The following PCDHGA3 variants were observed in gnomAD, a reference collection of about 807,000 sequenced individuals.
PCDHGA3 encodes protocadherin gamma subfamily A, 3.
A neutral mutation model predicts 58.5 loss-of-function variants in PCDHGA3; 40 were observed. The observed-to-expected ratio is 0.68, with a 90% CI of 0.53 to 0.89. The LOEUF (loss-of-function observed/expected upper bound fraction) is 0.89. Ranked by LOEUF, PCDHGA3 falls within the 40% of genes least tolerant of loss-of-function variation. The pLI is 0.00. For missense variants in PCDHGA3, 1,223 were observed against 1,195.9 expected (o/e 1.02, Z -0.33); for synonymous variants, 530 against 525.7 (o/e 1.01, Z -0.11).
chr5:141,424,699 G>A (rs185769714), intron 1 of PCDHGA3: 222 of 152,060 alleles, frequency 1.5e-3, no homozygotes, highest in African/African-American at 5.2e-3. Flanking sequence ...CTATTTTTTT[G>A]TTCATTTTCA....
chr5:141,362,282 G>A (rs750712376), intron 1 of PCDHGA3: 1 of 1,614,038 alleles, frequency 6.2e-7, no homozygotes, highest in Non-Finnish European at 8.5e-7. Context: ...CTGCGCCTGC[G>A]ACTCTCTTCC....
chr5:141,466,819 C>A (rs2099130454), intron 1 of PCDHGA3, among the ~76,000 whole-genome samples: 1 of 152,068 alleles, frequency 6.6e-6, no homozygotes, highest in Non-Finnish European at 1.5e-5. Context: ...CATGGTATAA[C>A]AAGTTAGTAT....
Position 141,512,738 on chromosome 5 carries a change from C to A in PCDHGA3, c.*1565C>A, listed in dbSNP as rs1350606944. 2 of 152,840 alleles carry A rather than the reference C, an allele frequency of 1.3e-5. No individual in the cohort carries two copies. The highest frequency in any genetic ancestry group is 2.1e-4 in the South Asian group (1 of 4,838). The allele number at this position is 152,840 out of a possible 1,614,324, so 9.5% of individuals were successfully genotyped here. A position where few individuals can be genotyped will look rare whatever the true frequency, so the allele number is the denominator to read the frequency against. On this transcript the variant is annotated 3_prime_UTR_variant, in exon 4 of 4. Transcript: ENST00000253812. ...TGGCGGGTGGGCAGCGGGCGGCGGG[C>A]TCCGCGCAGCCGTCTGTCCTTGATC...
At chr5:141,405,407 C>A (rs1252757330) in intron 1 of PCDHGA3, 3 of 1,582,052 alleles carry the variant, frequency 1.9e-6, no homozygotes, top group Non-Finnish European at 2.6e-6. Flanking sequence ...TCTTTCTTTT[C>A]TTTTTTTGTT....
chr5:141,346,550 A>G (rs1002998813), intron 1 of PCDHGA3, 93 bp downstream of exon 1: 13 of 1,524,464 alleles, frequency 8.5e-6, no homozygotes, highest in Middle Eastern at 1.7e-4. Flanking sequence ...AAATAAAGCC[A>G]TGAGGTTGTC....
At chr5:141,426,896 C>A in intron 1 of PCDHGA3, 1 of 456,782 alleles carries the variant, frequency 2.2e-6, no homozygotes, top group Non-Finnish European at 4.4e-6. Context: ...AGCAACAGAG[C>A]TCTCATCTCC....
intron 1 of PCDHGA3, among the ~76,000 whole-genome samples, chr5:141,445,937 A>C (rs2098482193): frequency 6.6e-6 from 1 of 152,202 alleles, no homozygotes; most frequent in African/African-American, 2.4e-5. Flanking sequence ...TGAATTATTA[A>C]GCTTACTCTG....
At chr5:141,507,380 C>G (rs984406173) in intron 3 of PCDHGA3, 1 of 151,954 alleles carries the variant, frequency 6.6e-6, no homozygotes, top group African/African-American at 2.4e-5. Flanking sequence ...CTTTTATTTA[C>G]TAAATCTGGC....
chr5:141,442,321 C>G (rs1323525940), intron 1 of PCDHGA3: 1 of 152,360 alleles, frequency 6.6e-6, no homozygotes, highest in African/African-American at 2.4e-5. Context: ...ATGTCTATCC[C>G]GCGCTAAGCC....
chr5:141,388,254 G>A, intron 1 of PCDHGA3: 2 of 1,568,962 alleles, frequency 1.3e-6, no homozygotes, highest in South Asian at 1.1e-5. Context: ...TGTGGAGATC[G>A]AGGACATTAA....
intron 1 of PCDHGA3, chr5:141,414,344 T>C: frequency 6.2e-7 from 1 of 1,613,882 alleles, no homozygotes; most frequent in Non-Finnish European, 8.5e-7. Flanking sequence ...ACCTGTTCCA[T>C]TTTGGCGTAT....
chr5:141,387,227 A>T (rs1220813655), intron 1 of PCDHGA3, among the ~76,000 whole-genome samples: 3 of 152,230 alleles, frequency 2.0e-5, no homozygotes, highest in Non-Finnish European at 4.4e-5. Context: ...AAGTTGAAAT[A>T]AATCAACTTG....
At chr5:141,393,189 A>G (rs1561640968) in intron 1 of PCDHGA3, 1 of 1,613,404 alleles carries the variant, frequency 6.2e-7, no homozygotes, top group Admixed American at 1.7e-5. Context: ...AATAATTGAT[A>G]TTAACGATAA....
intron 1 of PCDHGA3, chr5:141,356,239 G>T: frequency 6.3e-7 from 1 of 1,585,126 alleles, no homozygotes; most frequent in Non-Finnish European, 8.6e-7. Flanking sequence ...CGCACCAGAA[G>T]TCACAGTTAC....
At chr5:141,400,652 T>A in intron 1 of PCDHGA3, 1 of 1,143,230 alleles carries the variant, frequency 8.7e-7, no homozygotes, top group Non-Finnish European at 1.3e-6. Flanking sequence ...AAAGCTGTCC[T>A]ACCATTCTTT....
At chr5:141,347,801 A>AG (rs1209301870) in intron 1 of PCDHGA3, among the ~76,000 whole-genome samples, 1 of 151,846 alleles carries the variant, frequency 6.6e-6, no homozygotes, top group Non-Finnish European at 1.5e-5. Flanking sequence ...AAAAAAAAAA[A>AG]GTAGAGGCTG....
chr5:141,394,613 G>A (rs1402834373), intron 1 of PCDHGA3: 1 of 1,613,570 alleles, frequency 6.2e-7, no homozygotes, highest in Admixed American at 1.7e-5. Context: ...ACTCGGGCCA[G>A]AACGCCTGGC....
chr5:141,389,398 T>A, intron 1 of PCDHGA3: 1 of 1,613,654 alleles, frequency 6.2e-7, no homozygotes. Flanking sequence ...TACGTGTCCA[T>A]AAGCGCGGAG....
At chr5:141,415,475 C>T in intron 1 of PCDHGA3, 1 of 1,614,162 alleles carries the variant, frequency 6.2e-7, no homozygotes, top group Non-Finnish European at 8.5e-7. Flanking sequence ...ACCGCGGACT[C>T]GCGAAAGAGT....
Sources: gnomAD v4.1 joint callset for allele counts (sites outside exome capture counted in the v4.1 genomes callset) on GRCh38, gnomAD v4.1.1 for gene constraint, MANE v1.5 for transcripts, NCBI Gene and HGNC (gene_info 2026-07-23, HGNC 2026-07-21) for gene names.